Variants in ACVR1C observed in about 807,000 individuals in gnomAD.
The protein encoded by ACVR1C is activin A receptor type 1C, also known as activin receptor type-1C.
Under a neutral mutation model 57.9 loss-of-function variants are expected in ACVR1C, and 23 were observed. The ratio of observed to expected loss-of-function variants is 0.40; its 90% CI spans 0.29 to 0.56. ACVR1C has a LOEUF of 0.56. Among genes scored for constraint, ACVR1C ranks in the 20% least tolerant of loss-of-function variants. ACVR1C has a pLI of 0.50. For synonymous variants in ACVR1C, 214 were observed against 215.3 expected (o/e 0.99, Z 0.05); for missense variants, 480 against 607.9 (o/e 0.79, Z 2.21).
At chr2:157,546,008 C>T (rs1687747282) in intron 4 of ACVR1C, among the ~76,000 whole-genome samples, 1 of 152,162 alleles carries the variant, frequency 6.6e-6, no homozygotes, top group African/African-American at 2.4e-5. Context: ...TCTCGAACTC[C>T]TGACCTCAGG....
intron 1 of ACVR1C, among the ~76,000 whole-genome samples, chr2:157,611,151 CT>C (rs1186300516): frequency 6.6e-6 from 1 of 152,178 alleles, no homozygotes; most frequent in Non-Finnish European, 1.5e-5. Flanking sequence ...ACAGTTACTT[CT>C]TCCAATTTTT....
rs754969652 is a variant in ACVR1C, at chr2:157,533,604, A to G, written c.*314T>C. On this transcript the variant is annotated 3_prime_UTR_variant, in exon 9 of 9. Coordinates refer to ENST00000243349, the MANE Select transcript of ACVR1C (RefSeq NM_145259.3). The stretch of plus-strand genomic sequence containing the variant: ...ATGTGCTCTTGGTTCAAGTAAAATA[A>G]AAACTTAATGACTATAACATTTTTA... The G allele has an allele frequency of 6.1e-6, 1 of 163,904 alleles. No individual in the cohort carries two copies. The highest frequency in any genetic ancestry group is 1.3e-5 in the Non-Finnish European group (1 of 75,828). The allele number at this position is 163,904 out of a possible 1,614,324, so 10.2% of individuals were successfully genotyped here.
At chr2:157,617,796 CA>C (rs1383034959) in intron 1 of ACVR1C, among the ~76,000 whole-genome samples, 1 of 151,672 alleles carries the variant, frequency 6.6e-6, no homozygotes, top group Non-Finnish European at 1.5e-5. Flanking sequence ...TATGATAAGG[CA>C]AAATTATATA....
chr2:157,561,131 C>G (rs2105229690), intron 2 of ACVR1C, among the ~76,000 whole-genome samples: 1 of 152,288 alleles, frequency 6.6e-6, no homozygotes, highest in Non-Finnish European at 1.5e-5. Context: ...TAAAACCTTT[C>G]AAGGTTAGTG....
In ACVR1C at chr2:157,534,300, C is replaced by T. The variant is rs142491249; in HGVS notation, c.1357-257G>A. Among the ~76,000 whole-genome samples the T allele has an allele frequency of 1.3e-3, 204 of 152,070 alleles. 4 individuals are homozygous for T. In the East Asian group the frequency reaches 0.035, roughly 26 times the overall value. ...AAGTAGCTGGGACACAGGCATGCAC[C>T]GCTGTACCTGCCATTGATGCTAACT... On this transcript the variant is annotated intron_variant, in intron 8 of 8. Transcript: ENST00000243349.
intron 1 of ACVR1C, among the ~76,000 whole-genome samples, chr2:157,625,625 G>T (rs560648922): frequency 6.6e-6 from 1 of 151,624 alleles, no homozygotes; most frequent in Non-Finnish European, 1.5e-5. Context: ...CAGGGGGGTG[G>T]GGGGAAGAAT....
intron 1 of ACVR1C, among the ~76,000 whole-genome samples, chr2:157,610,030 T>G (rs1323437045): frequency 6.6e-6 from 1 of 152,126 alleles, no homozygotes; most frequent in Non-Finnish European, 1.5e-5. Flanking sequence ...ATAAATTCTT[T>G]GTTCCTTTCT....
rs1415644123 is a variant in ACVR1C at position 157,576,916 on chromosome 2, A to G, written c.304+10271T>C. On this transcript the variant is annotated intron_variant, in intron 2 of 8. Transcript: ENST00000243349. ...AGGCCGGACTGCGGACTGCAGTGGC[A>G]CAATCTCGGCTCACTGCAAGCTCCG... Among the ~76,000 whole-genome samples the G allele has an allele frequency of 4.0e-4, 36 of 89,202 alleles. 10 individuals are homozygous for G. The highest frequency in any genetic ancestry group is 3.3e-3 in the Admixed American group (24 of 7,222). 58.5% of individuals were successfully genotyped at this position (89,202 alleles called of 152,430 possible).
At chr2:157,582,870 ATTTTC>A (rs1372549701) in intron 2 of ACVR1C, among the ~76,000 whole-genome samples, 1 of 152,096 alleles carries the variant, frequency 6.6e-6, no homozygotes, top group Non-Finnish European at 1.5e-5. Flanking sequence ...AATATAAGCT[ATTTTC>A]TTTTCTTTCT....
chr2:157,596,461 C>T (rs982498786), intron 1 of ACVR1C, among the ~76,000 whole-genome samples: 1 of 152,144 alleles, frequency 6.6e-6, no homozygotes, highest in African/African-American at 2.4e-5. Context: ...TACAACTTCT[C>T]CAAATATTAC....
At position 157,628,672 on chromosome 2, in the gene ACVR1C, C is replaced by G. The variant is rs1459373806; in HGVS notation, c.-28G>C. The G allele has an allele frequency of 2.6e-6, 4 of 1,540,960 alleles. No homozygotes were observed. Among genetic ancestry groups the G allele is most frequent in the Non-Finnish European group, 3.5e-6 (4 of 1,145,560 alleles). ...CCACCAGGCGGCCGCGCCGGGGCTG[C>G]GAGGCCCCAGAGCAGAGCGAGGCAG... On this transcript the variant is annotated 5_prime_UTR_variant, in exon 1 of 9. Coordinates refer to ENST00000243349, the MANE Select transcript of ACVR1C (RefSeq NM_145259.3).
At chr2:157,566,117 C>G (rs974887837) in intron 2 of ACVR1C, among the ~76,000 whole-genome samples, 5 of 152,186 alleles carry the variant, frequency 3.3e-5, no homozygotes, top group African/African-American at 1.2e-4. Context: ...TCAAATAATG[C>G]ATGTCTGTAA....
chr2:157,552,740 G>A (rs1687952121), intron 3 of ACVR1C, among the ~76,000 whole-genome samples: 1 of 152,142 alleles, frequency 6.6e-6, no homozygotes, highest in Non-Finnish European at 1.5e-5. Context: ...ACTCGAGACA[G>A]CAATTAAATT....
At chr2:157,617,822 G>T (rs958002234) in intron 1 of ACVR1C, among the ~76,000 whole-genome samples, 1 of 151,840 alleles carries the variant, frequency 6.6e-6, no homozygotes, top group Non-Finnish European at 1.5e-5. Flanking sequence ...AACAATAATG[G>T]TATAATCCAA....
chr2:157,601,780 C>T (rs552182625), intron 1 of ACVR1C, among the ~76,000 whole-genome samples: 1 of 152,228 alleles, frequency 6.6e-6, no homozygotes, highest in East Asian at 1.9e-4. Context: ...TGAGAGGTTA[C>T]CACACCTCTC....
At chr2:157,568,281 G>C (rs1398505562) in intron 2 of ACVR1C, among the ~76,000 whole-genome samples, 1 of 111,874 alleles carries the variant, frequency 8.9e-6, no homozygotes, top group Non-Finnish European at 1.9e-5. Context: ...AGACCATTGA[G>C]ACTAGGAAGA....
Position 157,534,827 on chromosome 2 carries a change from TAG to T in ACVR1C, c.1357-786_1357-785del, listed in dbSNP as rs1190759303. ...TTCGGAACTGATGGATCGCATGTAA[TAG>T]AGAGTACAGCCCACAGCACACAGAA... On this transcript the variant is annotated intron_variant, in intron 8 of 8. Coordinates refer to ENST00000243349, the MANE Select transcript of ACVR1C (RefSeq NM_145259.3). 2.6e-5 allele frequency among the ~76,000 whole-genome samples: 4 copies of T among 152,000 alleles called. No individual in the cohort carries two copies. The East Asian group carries it at 7.7e-4, about 29-fold the overall frequency.
intron 4 of ACVR1C, among the ~76,000 whole-genome samples, chr2:157,548,899 G>A (rs902527765): frequency 1.3e-5 from 2 of 152,152 alleles, no homozygotes; most frequent in Non-Finnish European, 2.9e-5. Flanking sequence ...AATCAAAAGA[G>A]ATAATATTTT....
At chr2:157,595,389 T>C (rs886287490) in intron 1 of ACVR1C, among the ~76,000 whole-genome samples, 5 of 152,198 alleles carry the variant, frequency 3.3e-5, no homozygotes, top group African/African-American at 1.2e-4. Flanking sequence ...CCTGGAGTCC[T>C]CTGGCCCAGT....
Sources: allele counts gnomAD v4.1 joint callset (sites outside exome capture counted in the v4.1 genomes callset), GRCh38; gene constraint gnomAD v4.1.1; transcripts MANE v1.5; gene names NCBI Gene and HGNC (gene_info 2026-07-23, HGNC 2026-07-21).